The following DDX11 variants were observed in gnomAD, a reference collection of about 807,000 sequenced individuals.
DDX11 encodes the protein DEAD/H-box helicase 11.
In DDX11, 72 loss-of-function variants were observed where a neutral mutation model predicts 125.2. The observed-to-expected ratio is 0.58, with a 90% confidence interval of 0.48 to 0.70. The LOEUF (loss-of-function observed/expected upper bound fraction) is 0.70, where lower values mean the gene tolerates loss of function less well. DDX11 is among the 30% of genes least tolerant of loss of function. The probability of loss-of-function intolerance (pLI) is 0.00; values close to 1 mark genes in which losing one functional copy is unlikely to be tolerated. For missense variants in DDX11, 883 were observed against 1,165.0 expected, an observed-to-expected ratio of 0.76 and a Z score of 3.52; for synonymous variants, 347 against 452.6, an observed-to-expected ratio of 0.77 and a Z score of 2.96.
intron 1 of DDX11, among the ~76,000 whole-genome samples, chr12:31,077,666 T>C (rs1592556919): frequency 6.6e-6 from 1 of 151,434 alleles, no homozygotes; most frequent in African/African-American, 2.4e-5. Flanking sequence ...GCTAACACGG[T>C]GAAACCCCGT....
At chr12:31,074,680 A>G (rs183752700) in intron 1 of DDX11, among the ~76,000 whole-genome samples, 210 of 152,342 alleles carry the variant, frequency 1.4e-3, no homozygotes, top group African/African-American at 4.9e-3. Context: ...GGGCCAGGCC[A>G]TCCTCCAGCT....
At position 31,085,112 on chromosome 12, in the gene DDX11, A is replaced by G. The variant is rs748451859; in HGVS notation, c.624A>G (p.Lys208=). Residue 208 remains lysine (K), a synonymous_variant, in exon 5 of 27, where the codon AAA becomes AAG. Transcript: ENST00000542838. ...CCGAATACGAGAGTGATGAGGAGAA[A>G]AAGGTGGCGAGCAGGTGAGACAGAG... is the stretch of plus-strand genomic sequence containing the variant. ...VLAEYESDEE[K]KVASRVDEDE... 3.3e-5 allele frequency: 52 copies of G among 1,566,560 alleles called. No individual in the cohort carries two copies. In the East Asian group the frequency reaches 1.0e-3, roughly 31 times the overall value.
At chr12:31,100,850 GGCTCTCCT>G (rs1196607102) in intron 19 of DDX11, 143 bp downstream of exon 19, 3 of 1,107,890 alleles carry the variant, frequency 2.7e-6, no homozygotes, top group Non-Finnish European at 4.1e-6. Flanking sequence ...CGCTCGCCCA[GGCTCTCCT>G]GCTTTGCTCC....
intron 18 of DDX11, among the ~76,000 whole-genome samples, chr12:31,098,549 T>C (rs1369237489): frequency 7.7e-6 from 1 of 130,146 alleles, no homozygotes; most frequent in Non-Finnish European, 1.9e-5. Flanking sequence ...TGCTTCTCTC[T>C]TGTTAGGTGT....
intron 3 of DDX11, 43 bp downstream of exon 3, chr12:31,084,104 A>G (rs777480785): frequency 6.2e-7 from 1 of 1,609,466 alleles, no homozygotes; most frequent in Middle Eastern, 1.7e-4. Flanking sequence ...TGGAGGAAAC[A>G]GGGCTTCAGC....
chr12:31,082,062 C>A (rs1942052290), intron 2 of DDX11, among the ~76,000 whole-genome samples: 1 of 114,474 alleles, frequency 8.7e-6, no homozygotes, highest in Non-Finnish European at 1.7e-5. Flanking sequence ...CATTTACTTT[C>A]TATCAAAAGC....
At chr12:31,089,017 T>C (rs1943668637) in intron 6 of DDX11, 27 bp from the exon 7 acceptor site, 1 of 1,594,536 alleles carries the variant, frequency 6.3e-7, no homozygotes, top group Non-Finnish European at 8.6e-7. Flanking sequence ...GTTCTCTCTT[T>C]GAAGCGCCTT....
intron 2 of DDX11, among the ~76,000 whole-genome samples, chr12:31,079,055 G>T (rs549811365): frequency 6.6e-6 from 1 of 152,084 alleles, no homozygotes; most frequent in Admixed American, 6.5e-5. Context: ...TACCTATTAC[G>T]GTAGATGAGA....
chr12:31,093,720 C>CAAAAAAAAAAAAAAAAAAAAAAA (rs71052461), intron 12 of DDX11: 2 of 55,562 alleles, frequency 3.6e-5, no homozygotes, highest in East Asian at 1.4e-3. Context: ...GAATCAGTCT[C>CAAAAAAAAAAAAAAAAAAAAAAA]AAAAAAAAAA....
intron 15 of DDX11, 39 bp from the exon 16 acceptor site, chr12:31,096,598 A>T: frequency 6.2e-7 from 1 of 1,608,828 alleles, no homozygotes; most frequent in Non-Finnish European, 8.5e-7. Flanking sequence ...TCATGGCTGT[A>T]CCTCGTTCCT....
At chr12:31,100,049 T>C (rs999233239) in intron 18 of DDX11, among the ~76,000 whole-genome samples, 7 of 152,204 alleles carry the variant, frequency 4.6e-5, no homozygotes, top group African/African-American at 1.7e-4. Context: ...ACCAGTACCC[T>C]CTGGATAGGC....
At chr12:31,100,614 C>G (rs114097003) in intron 18 of DDX11, 21 bp from the exon 19 acceptor site, 8 of 1,551,292 alleles carry the variant, frequency 5.2e-6, no homozygotes, top group African/African-American at 1.4e-5. Flanking sequence ...GGGGCCGTGA[C>G]GCTGTGGCCT....
intron 5 of DDX11, chr12:31,085,902 G>A (rs1186294508): frequency 5.2e-6 from 2 of 383,482 alleles, no homozygotes; most frequent in African/African-American, 4.2e-5. Context: ...TGCACCTGAT[G>A]ATGAGTCCCG....
At chr12:31,088,028 T>C in intron 6 of DDX11, 45 bp downstream of exon 6, 1 of 1,605,818 alleles carries the variant, frequency 6.2e-7, no homozygotes, top group Non-Finnish European at 8.5e-7. Context: ...GGGTATAGGC[T>C]GGGCTGTGCA....
At position 31,100,925 on chromosome 12, in the gene DDX11, G is replaced by A. The variant is rs1214437912; in HGVS notation, c.1949-102G>A. On this transcript the variant is annotated intron_variant, in intron 19 of 26. Transcript: ENST00000542838. Reference sequence around the variant, plus strand: ...GGTGGGCGGGTGAGCGCTGTCAGTCGCTGTTCCTGTGCTGGATGATGGGGC... The same window carrying A: ...GGTGGGCGGGTGAGCGCTGTCAGTCACTGTTCCTGTGCTGGATGATGGGGC... 20 of 1,219,756 alleles carry A rather than the reference G, an allele frequency of 1.6e-5. 1 individual carries two copies. The highest frequency in any genetic ancestry group is 6.0e-5 in the South Asian group (5 of 82,956). The allele number at this position is 1,219,756 out of a possible 1,614,324, so 75.6% of individuals were successfully genotyped here. A position where few individuals can be genotyped will look rare whatever the true frequency, so the allele number is the denominator to read the frequency against.
At chr12:31,085,774 G>A (rs1592644610) in intron 5 of DDX11, among the ~76,000 whole-genome samples, 2 of 152,298 alleles carry the variant, frequency 1.3e-5, no homozygotes, top group Non-Finnish European at 1.5e-5. Context: ...TGTGGACATA[G>A]AAGGGAAGAA....
intron 11 of DDX11, 135 bp from the exon 12 acceptor site, chr12:31,093,110 A>C (rs1944526533): frequency 1.8e-6 from 2 of 1,111,966 alleles, no homozygotes; most frequent in African/African-American, 3.1e-5. Flanking sequence ...GGCCGTGGCC[A>C]GCCTGCTCTC....
chr12:31,078,365 C>G (rs773162826), intron 1 of DDX11, 25 bp from the exon 2 acceptor site: 12 of 1,600,730 alleles, frequency 7.5e-6, no homozygotes, highest in Non-Finnish European at 9.4e-6. Flanking sequence ...AGAGAGCTCC[C>G]TAATGTTGTA....
chr12:31,101,237 A>G (rs1211204780), intron 20 of DDX11, 107 bp downstream of exon 20: 2 of 953,148 alleles, frequency 2.1e-6, no homozygotes, highest in Non-Finnish European at 3.4e-6. Flanking sequence ...TGTTGGGGAA[A>G]TTGCACAGGG....
Sources: gnomAD v4.1 joint callset for allele counts (sites outside exome capture counted in the v4.1 genomes callset) on GRCh38, gnomAD v4.1.1 for gene constraint, MANE v1.5 for transcripts, NCBI Gene and HGNC (gene_info 2026-07-23, HGNC 2026-07-21) for gene names.